Variants in TNPO3 observed in about 807,000 individuals in gnomAD.
TNPO3 encodes transportin-3.
Under a neutral mutation model 122.8 loss-of-function variants are expected in TNPO3, and 65 were observed. That is an observed-to-expected ratio of 0.53 (90% CI 0.43 to 0.65). TNPO3 has a LOEUF of 0.65. Among genes scored for constraint, TNPO3 ranks in the 30% least tolerant of loss-of-function variants. The pLI is 0.00. For missense variants in TNPO3, 850 were observed against 1,136.7 expected, an observed-to-expected ratio of 0.75 and a Z score of 3.63; for synonymous variants, 372 against 411.2, an observed-to-expected ratio of 0.90 and a Z score of 1.15.
intron 1 of TNPO3, among the ~76,000 whole-genome samples, chr7:129,022,931 T>C (rs993960721): frequency 6.6e-6 from 1 of 152,212 alleles, no homozygotes; most frequent in African/African-American, 2.4e-5. Context: ...ATATTAAACA[T>C]AGTTTATTAC....
At chr7:129,017,116 AT>A in intron 2 of TNPO3, 60 bp from the exon 3 acceptor site, 1 of 1,443,034 alleles carries the variant, frequency 6.9e-7, no homozygotes, top group Admixed American at 1.7e-5. Flanking sequence ...CACAATAAAT[AT>A]TAATTGGGAA....
upstream of TNPO3, chr7:129,055,529 AC>A (rs1489720283): frequency 1.3e-5 from 2 of 159,164 alleles, no homozygotes; most frequent in African/African-American, 2.4e-5. Flanking sequence ...CACGTAGTCA[AC>A]TGAACTATTT....
At chr7:129,017,883 C>T (rs569995994) in intron 2 of TNPO3, 74 bp downstream of exon 2, 1 of 1,447,500 alleles carries the variant, frequency 6.9e-7, no homozygotes, top group Admixed American at 1.7e-5. Context: ...CATGGCCTAG[C>T]AATACGAATT....
At chr7:129,004,922 CT>C (rs1802403097) in intron 5 of TNPO3, 93 bp downstream of exon 5, 5 of 1,234,954 alleles carry the variant, frequency 4.0e-6, no homozygotes, top group Non-Finnish European at 5.7e-6. Context: ...CTTCCAGTTA[CT>C]GTGCAAAAAT....
At chr7:129,052,341 C>T (rs952202606) in intron 1 of TNPO3, among the ~76,000 whole-genome samples, 3 of 152,228 alleles carry the variant, frequency 2.0e-5, no homozygotes, top group African/African-American at 4.8e-5. Context: ...CCATTCCTCT[C>T]AAGGCAGCCA....
chr7:128,958,448 G>T (rs1468461177), intron 21 of TNPO3, among the ~76,000 whole-genome samples: 1 of 152,130 alleles, frequency 6.6e-6, no homozygotes, highest in Non-Finnish European at 1.5e-5. Flanking sequence ...CAGCCAGGAA[G>T]CAATTCTTAA....
intron 1 of TNPO3, among the ~76,000 whole-genome samples, chr7:129,050,371 G>C (rs1378649934): frequency 2.0e-5 from 2 of 101,830 alleles, no homozygotes; most frequent in Non-Finnish European, 1.8e-5. Flanking sequence ...GAGACAGCGA[G>C]ACTCTGTCTC....
chr7:129,046,783 G>A (rs536968400), intron 1 of TNPO3, among the ~76,000 whole-genome samples: 109 of 152,290 alleles, frequency 7.2e-4, no homozygotes, highest in East Asian at 2.7e-3. Context: ...GCAAAGCGAC[G>A]TCTTACATGG....
intron 1 of TNPO3, chr7:129,041,658 T>C (rs1033298474): frequency 4.1e-6 from 4 of 985,356 alleles, no homozygotes; most frequent in South Asian, 4.7e-5. Flanking sequence ...AACTGAAGCC[T>C]GGGGCTCAGA....
intron 14 of TNPO3, 64 bp downstream of exon 14, chr7:128,982,184 C>A: frequency 1.4e-6 from 2 of 1,402,334 alleles, no homozygotes; most frequent in South Asian, 2.4e-5. Flanking sequence ...TTGCTTACTT[C>A]AATATACAAT....
At chr7:128,980,302 T>C (rs983335110) in intron 14 of TNPO3, among the ~76,000 whole-genome samples, 6 of 152,186 alleles carry the variant, frequency 3.9e-5, no homozygotes, top group Non-Finnish European at 5.9e-5. Context: ...CTTTTCCATT[T>C]TTCCCTTTAT....
At chr7:129,052,033 A>T (rs549662988) in intron 1 of TNPO3, among the ~76,000 whole-genome samples, 18 of 152,348 alleles carry the variant, frequency 1.2e-4, no homozygotes, top group Non-Finnish European at 2.9e-5. Context: ...AAGGAATCAG[A>T]AGGCCAAAGT....
chr7:128,992,533 C>G (rs1684287932), intron 9 of TNPO3, among the ~76,000 whole-genome samples: 1 of 152,102 alleles, frequency 6.6e-6, no homozygotes, highest in Admixed American at 6.6e-5. Flanking sequence ...TCCTAAAAAG[C>G]AGCTGTTTAG....
chr7:128,973,310 C>G (rs1469966353), intron 18 of TNPO3, among the ~76,000 whole-genome samples: 5 of 152,132 alleles, frequency 3.3e-5, no homozygotes, highest in African/African-American at 1.2e-4. Flanking sequence ...AAACTACTAT[C>G]AGGTTTCTAA....
intron 4 of TNPO3, among the ~76,000 whole-genome samples, chr7:129,012,599 C>T (rs1173660324): frequency 1.3e-5 from 2 of 152,118 alleles, no homozygotes; most frequent in Non-Finnish European, 2.9e-5. Context: ...ATCCTAAATA[C>T]TACTTTTTTT....
intron 1 of TNPO3, among the ~76,000 whole-genome samples, chr7:129,053,766 T>C (rs543187478): frequency 6.6e-6 from 1 of 152,202 alleles, no homozygotes; most frequent in Admixed American, 6.5e-5. Flanking sequence ...TACTTAATTT[T>C]TAAAGTACAT....
chr7:129,022,382 T>C (rs1188464449), intron 1 of TNPO3, among the ~76,000 whole-genome samples: 1 of 151,710 alleles, frequency 6.6e-6, no homozygotes, highest in Non-Finnish European at 1.5e-5. Flanking sequence ...GTATCAAAGT[T>C]ATCAAAAGAG....
chr7:129,013,354 C>T (rs1436325460), intron 4 of TNPO3, among the ~76,000 whole-genome samples: 1 of 149,022 alleles, frequency 6.7e-6, no homozygotes, highest in Non-Finnish European at 1.5e-5. Flanking sequence ...AGACAACCTA[C>T]AGAATGGGAG....
chr7:129,018,281 A>G, intron 1 of TNPO3, 124 bp from the exon 2 acceptor site: 3 of 921,474 alleles, frequency 3.3e-6, no homozygotes, highest in Non-Finnish European at 4.8e-6. Context: ...CTGACAAGCT[A>G]AATTACCCAG....
Sources: allele counts gnomAD v4.1 joint callset (sites outside exome capture counted in the v4.1 genomes callset), GRCh38; gene constraint gnomAD v4.1.1; transcripts MANE v1.5; gene names NCBI Gene and HGNC (gene_info 2026-07-23, HGNC 2026-07-21).